The following MAGI2 variants were observed in gnomAD, a reference collection of about 807,000 sequenced individuals.
MAGI2 encodes the protein membrane-associated guanylate kinase, WW and PDZ domain-containing protein 2.
MAGI2 carries 35 observed loss-of-function variants against 133.3 expected under a neutral mutation model. That is an observed-to-expected ratio of 0.26 (90% CI 0.20 to 0.35). MAGI2 has a LOEUF of 0.35. MAGI2 is among the 10% of genes least tolerant of loss of function. MAGI2 has a pLI of 1.00. For missense variants in MAGI2, 1,636 were observed against 1,863.4 expected (o/e 0.88, Z 2.25); for synonymous variants, 729 against 710.6 (o/e 1.03, Z -0.41).
chr7:78,779,103 T>C (rs1032114570), intron 2 of MAGI2, among the ~76,000 whole-genome samples: 8 of 151,758 alleles, frequency 5.3e-5, no homozygotes, highest in Non-Finnish European at 1.0e-4. Flanking sequence ...AGAGGCGGAG[T>C]TTCAATGTTG....
At chr7:78,092,681 C>T (rs944207385) in intron 20 of MAGI2, among the ~76,000 whole-genome samples, 1 of 152,124 alleles carries the variant, frequency 6.6e-6, no homozygotes, top group African/African-American at 2.4e-5. Context: ...TTTATTGTAG[C>T]TTTGCAATGT....
chr7:78,369,264 T>C, intron 6 of MAGI2, 51 bp from the exon 7 acceptor site: 1 of 1,233,480 alleles, frequency 8.1e-7, no homozygotes, highest in Non-Finnish European at 1.2e-6. Flanking sequence ...CAATTTCTAA[T>C]AAAAAGTAAT....
At chr7:78,747,119 G>A (rs1822997002) in intron 2 of MAGI2, among the ~76,000 whole-genome samples, 1 of 152,084 alleles carries the variant, frequency 6.6e-6, no homozygotes, top group East Asian at 1.9e-4. Context: ...TGCTTAAATT[G>A]GGCAGTTTTC....
chr7:78,281,056 CTTCCTT>C (rs769532811), intron 9 of MAGI2, among the ~76,000 whole-genome samples: 11 of 150,750 alleles, frequency 7.3e-5, no homozygotes, highest in African/African-American at 2.2e-4. Context: ...ATTTTTTTCT[CTTCCTT>C]TTCATTTTTC....
intron 2 of MAGI2, among the ~76,000 whole-genome samples, chr7:79,002,111 A>T (rs923394970): frequency 6.7e-6 from 1 of 148,986 alleles, no homozygotes; most frequent in Non-Finnish European, 1.5e-5. Flanking sequence ...AGATTCATTC[A>T]CAGGCTTCTT....
chr7:78,927,465 TG>T (rs900778782), intron 2 of MAGI2, among the ~76,000 whole-genome samples: 27 of 152,050 alleles, frequency 1.8e-4, no homozygotes, highest in Non-Finnish European at 4.0e-4. Flanking sequence ...CCAAATTCAG[TG>T]AACGTCATTT....
rs112518202 is a variant in MAGI2 at position 79,132,765 on chromosome 7, C to A, written c.302-125559G>T. 4.2e-3 allele frequency among the ~76,000 whole-genome samples: 643 copies of A among 152,142 alleles called. 4 individuals are homozygous for A. The highest frequency in any genetic ancestry group is 0.015 in the African/African-American group (620 of 41,542). ...GGTTTTACTAATTAACATTCCCAAC[C>A]AACAGTGTATAAGCATTCCCTTTTC... On this transcript the variant is annotated intron_variant, in intron 1 of 21. Transcript: ENST00000354212.
chr7:78,894,003 G>A (rs1476767877), intron 2 of MAGI2, among the ~76,000 whole-genome samples: 1 of 152,146 alleles, frequency 6.6e-6, no homozygotes, highest in African/African-American at 2.4e-5. Flanking sequence ...GCCAATAAAT[G>A]CAAGAACTGG....
chr7:78,863,087 A>G (rs1794278900), intron 2 of MAGI2, among the ~76,000 whole-genome samples: 1 of 152,208 alleles, frequency 6.6e-6, no homozygotes, highest in Non-Finnish European at 1.5e-5. Context: ...AGAGGTGGCT[A>G]TAAAGAAGTT....
chr7:78,571,694 TAAAG>T (rs1238775666), intron 3 of MAGI2, among the ~76,000 whole-genome samples: 5 of 151,286 alleles, frequency 3.3e-5, no homozygotes, highest in Admixed American at 6.6e-5. Flanking sequence ...ACAGCAATAA[TAAAG>T]AGAAAGAAAA....
At chr7:78,920,933 C>A (rs918426060) in intron 2 of MAGI2, among the ~76,000 whole-genome samples, 2 of 152,174 alleles carry the variant, frequency 1.3e-5, no homozygotes, top group African/African-American at 4.8e-5. Flanking sequence ...TTTCTACTGT[C>A]ACACAACTTC....
At chr7:78,283,777 C>T (rs1243960002) in intron 9 of MAGI2, among the ~76,000 whole-genome samples, 1 of 152,002 alleles carries the variant, frequency 6.6e-6, no homozygotes, top group Admixed American at 6.6e-5. Flanking sequence ...TGCTGTATGT[C>T]ATGGCATCTG....
At chr7:78,570,429 G>A (rs1431316580) in intron 3 of MAGI2, among the ~76,000 whole-genome samples, 1 of 152,048 alleles carries the variant, frequency 6.6e-6, no homozygotes, top group African/African-American at 2.4e-5. Flanking sequence ...TGAAGGAAGT[G>A]GGGAAGAGAA....
At chr7:78,328,846 A>T (rs1328304730) in intron 9 of MAGI2, among the ~76,000 whole-genome samples, 1 of 152,186 alleles carries the variant, frequency 6.6e-6, no homozygotes, top group Non-Finnish European at 1.5e-5. Flanking sequence ...AAATACAACA[A>T]AGAAGTAAGA....
chr7:78,474,755 G>C (rs9691784), intron 6 of MAGI2, among the ~76,000 whole-genome samples: 4,484 of 151,558 alleles, frequency 0.03, 209 homozygotes, highest in African/African-American at 0.1. Flanking sequence ...CCCACATAAA[G>C]GTGAGAAACA....
At chr7:79,056,983 T>G (rs1813203957) in intron 1 of MAGI2, among the ~76,000 whole-genome samples, 2 of 152,234 alleles carry the variant, frequency 1.3e-5, no homozygotes, top group Non-Finnish European at 2.9e-5. Flanking sequence ...GAGATCATAC[T>G]ATTTCAGAAA....
chr7:78,944,860 T>C (rs1043902792), intron 2 of MAGI2, among the ~76,000 whole-genome samples: 3 of 151,746 alleles, frequency 2.0e-5, no homozygotes, highest in Non-Finnish European at 4.4e-5. Flanking sequence ...CCTCAGCCTC[T>C]GGAGTAGATG....
rs192666584 is a variant in MAGI2, at chr7:78,760,462, G to A, written c.419-133223C>T. Among the ~76,000 whole-genome samples the A allele has an allele frequency of 1.1e-3, 158 of 149,770 alleles. No homozygotes were observed. The East Asian group carries it at 0.011, about 10-fold the overall frequency. On this transcript the variant is annotated intron_variant, in intron 2 of 21. Coordinates refer to ENST00000354212, the MANE Select transcript of MAGI2 (RefSeq NM_012301.4). ...ACTTGAACCTCCACCTCCTGGGTTC[G>A]AGCGATTCTCCTGCCTCAGCCTCCC...
intron 21 of MAGI2, among the ~76,000 whole-genome samples, chr7:78,043,235 C>T (rs1219068537): frequency 6.6e-6 from 1 of 152,198 alleles, no homozygotes; most frequent in African/African-American, 2.4e-5. Context: ...AGGCTTAACT[C>T]ATAAAAATAG....
Sources: allele counts gnomAD v4.1 joint callset (sites outside exome capture counted in the v4.1 genomes callset), GRCh38; gene constraint gnomAD v4.1.1; transcripts MANE v1.5; gene names NCBI Gene and HGNC (gene_info 2026-07-23, HGNC 2026-07-21).